HPRT1: variants seen among roughly 807,000 people sequenced by gnomAD.
The protein encoded by HPRT1 is hypoxanthine phosphoribosyltransferase 1.
Under a neutral mutation model 19.0 loss-of-function variants are expected in HPRT1, and 4 were observed. The observed-to-expected ratio is 0.21, with a 90% confidence interval of 0.10 to 0.48. The LOEUF (loss-of-function observed/expected upper bound fraction) is 0.48, where lower values mean the gene tolerates loss of function less well. Ranked by LOEUF, HPRT1 falls within the 20% of genes least tolerant of loss-of-function variation. The pLI, the probability that HPRT1 is intolerant of heterozygous loss-of-function variation, is 0.98. For missense variants in HPRT1, 65 were observed against 164.0 expected (o/e 0.40, Z 3.30); for synonymous variants, 53 against 54.9 (o/e 0.97, Z 0.15).
At chrX:134,475,449 C>A in intron 3 of HPRT1, 85 bp downstream of exon 3, 1 of 602,239 alleles carries the variant, frequency 1.7e-6, no homozygotes, top group Admixed American at 2.9e-5. Context: ...ACCATACTTG[C>A]TTTCATTTCA....
rs745601675 is a variant in HPRT1 at position 134,460,525 on chromosome X, CG to C, written c.27+191del. ...GAGGGCGGCAGGGAGGACGGAATGGCGGGGTTTGGGGTGGGTCCCTCCTCGG... is the reference window on the plus strand; with the variant it reads ...GAGGGCGGCAGGGAGGACGGAATGGCGGGTTTGGGGTGGGTCCCTCCTCGG... On this transcript the variant is annotated intron_variant, in intron 1 of 8. Coordinates refer to ENST00000298556, the MANE Select transcript of HPRT1 (RefSeq NM_000194.3). 6.1e-3 allele frequency: 1,679 copies of C among 275,423 alleles called. 26 individuals carry two copies. The highest frequency in any genetic ancestry group is 0.043 in the African/African-American group (1,525 of 35,085). 22.7% of individuals were successfully genotyped at this position (275,423 alleles called of 1,213,427 possible).
intron 3 of HPRT1, 103 bp downstream of exon 3, chrX:134,475,467 A>G (rs1188808776): frequency 1.9e-5 from 10 of 530,179 alleles, no homozygotes; most frequent in Non-Finnish European, 3.1e-5. Flanking sequence ...TCACTTGGTT[A>G]CAGTGAGATT....
intron 5 of HPRT1, among the ~76,000 whole-genome samples, chrX:134,492,170 C>T (rs1339169295): frequency 9.5e-6 from 1 of 104,975 alleles, no homozygotes; most frequent in Non-Finnish European, 1.9e-5. Flanking sequence ...GTATTATAGG[C>T]ATGAGCCACT....
At chrX:134,471,179 C>G (rs909803615) in intron 1 of HPRT1, among the ~76,000 whole-genome samples, 1 of 110,288 alleles carries the variant, frequency 9.1e-6, no homozygotes, top group Non-Finnish European at 1.9e-5. Context: ...TAAGAAAGAC[C>G]ATTGAATTTT....
At chrX:134,474,420 C>CTTT (rs5903877) in intron 2 of HPRT1, among the ~76,000 whole-genome samples, 7 of 94,694 alleles carry the variant, frequency 7.4e-5, no homozygotes, top group African/African-American at 1.2e-4. Context: ...CAATTTGTCT[C>CTTT]TTTTTTTTTT....
chrX:134,464,381 A>G (rs745689497), intron 1 of HPRT1, among the ~76,000 whole-genome samples: 4 of 111,294 alleles, frequency 3.6e-5, no homozygotes, highest in South Asian at 3.7e-4. Flanking sequence ...ATCCAAGGAG[A>G]TGGCGGATCA....
chrX:134,485,303 A>G (rs1215015605), intron 3 of HPRT1, among the ~76,000 whole-genome samples: 3 of 111,264 alleles, frequency 2.7e-5, no homozygotes, highest in African/African-American at 9.8e-5. Flanking sequence ...CCATTTTCCT[A>G]TGGGTTCTTA....
At chrX:134,499,350 GTGCCT>G in intron 8 of HPRT1, among the ~76,000 whole-genome samples, 1 of 110,745 alleles carries the variant, frequency 9.0e-6, no homozygotes, top group South Asian at 3.9e-4. Flanking sequence ...GTAGTGGTGT[GTGCCT>G]GTAACCCAGC....
rs2077578423 is a variant in HPRT1 at position 134,460,170 on chromosome X, C to A, written c.-142C>A. ...GGCGGGGCCTGCTTCTCCTCAGCTT[C>A]AGGCGGCTGCGACGAGCCCTCAGGC... On this transcript the variant is annotated 5_prime_UTR_variant, in exon 1 of 9. Transcript: ENST00000298556. 3.4e-6 allele frequency: 2 copies of A among 588,560 alleles called. No homozygotes were observed. Among genetic ancestry groups the A allele is most frequent in the Non-Finnish European group, 5.2e-6 (2 of 387,292 alleles). The allele number at this position is 588,560 out of a possible 1,213,427, so 48.5% of individuals were successfully genotyped here. A position where few individuals can be genotyped will look rare whatever the true frequency, so the allele number is the denominator to read the frequency against.
At chrX:134,469,391 A>G (rs1264531295) in intron 1 of HPRT1, among the ~76,000 whole-genome samples, 1 of 111,197 alleles carries the variant, frequency 9.0e-6, no homozygotes, top group African/African-American at 3.3e-5. Context: ...AAACAAAACA[A>G]CTTCTTGACA....
chrX:134,467,588 GCCA>G (rs2077600290), intron 1 of HPRT1, among the ~76,000 whole-genome samples: 1 of 111,483 alleles, frequency 9.0e-6, no homozygotes, highest in South Asian at 3.7e-4. Context: ...AAGATTATAG[GCCA>G]CCAAGTAGAT....
chrX:134,493,519 C>T lies in HPRT1; in HGVS notation c.414C>T (p.Asp138=), dbSNP rs1441084009. Residue 138 remains aspartate (D), a synonymous_variant, in exon 6 of 9, where the codon GAC becomes GAT. Transcript: ENST00000298556. ...TTCTTTTTTGAAAGGATATAATTGA[C>T]ACTGGCAAAACAATGCAGACTTTGC... ...KNVLIVEDII[D]TGKTMQTLLS... The T allele has an allele frequency of 8.3e-7, 1 of 1,200,522 alleles. No individual in the cohort carries two copies. The highest frequency in any genetic ancestry group is 3.0e-5 in the East Asian group (1 of 33,750).
At chrX:134,475,492 A>G (rs913180324) in intron 3 of HPRT1, 128 bp downstream of exon 3, 3 of 463,286 alleles carry the variant, frequency 6.5e-6, no homozygotes, top group Admixed American at 7.5e-5. Flanking sequence ...TAACATATTC[A>G]CTAGTACTTT....
At chrX:134,462,569 C>T (rs1386538707) in intron 1 of HPRT1, among the ~76,000 whole-genome samples, 1 of 111,594 alleles carries the variant, frequency 9.0e-6, no homozygotes, top group African/African-American at 3.3e-5. Flanking sequence ...CTGCCCGCCT[C>T]TGCTTCCCAA....
chrX:134,499,877 T>TC (rs766151136), intron 8 of HPRT1, among the ~76,000 whole-genome samples, 153 bp from the exon 9 acceptor site: 1 of 111,971 alleles, frequency 8.9e-6, no homozygotes, highest in East Asian at 2.8e-4. Flanking sequence ...AAAGATACAC[T>TC]CCCCAAAAGT....
At chrX:134,474,286 T>C (rs1037543737) in intron 2 of HPRT1, among the ~76,000 whole-genome samples, 1 of 112,004 alleles carries the variant, frequency 8.9e-6, no homozygotes, top group Non-Finnish European at 1.9e-5. Flanking sequence ...TTCAGCTTTA[T>C]TCAAGTGGAA....
intron 6 of HPRT1, among the ~76,000 whole-genome samples, chrX:134,497,945 TA>T (rs746184635): frequency 5.0e-3 from 476 of 95,401 alleles, no homozygotes; most frequent in African/African-American, 7.0e-3. Context: ...AGATTCCGTC[TA>T]AAAAAAAAAA....
At position 134,500,662 on chromosome X, in the gene HPRT1, A is replaced by T. The variant is rs2077693155; in HGVS notation, c.*585A>T. On this transcript the variant is annotated 3_prime_UTR_variant, in exon 9 of 9. Coordinates refer to ENST00000298556, the MANE Select transcript of HPRT1 (RefSeq NM_000194.3). ...AAATGCAAATCAATAAATTCCCAAA[A>T]ATTTAACTGCTTTATGAATTCAATT... is the stretch of plus-strand genomic sequence containing the variant. 8.9e-6 allele frequency: 1 copy of T among 112,428 alleles called. No individual in the cohort carries two copies. The allele number at this position is 112,428 out of a possible 1,213,427, so 9.3% of individuals were successfully genotyped here. A position where few individuals can be genotyped will look rare whatever the true frequency, so the allele number is the denominator to read the frequency against.
Position 134,460,228 on chromosome X carries a change from C to T in HPRT1, c.-84C>T. 2 of 1,027,570 alleles carry T rather than the reference C, an allele frequency of 1.9e-6. No homozygotes were observed. The highest frequency in any genetic ancestry group is 2.6e-6 in the Non-Finnish European group (2 of 772,141). 84.7% of individuals were successfully genotyped at this position (1,027,570 alleles called of 1,213,427 possible). ...TCGGCTTTCCCGCGCGGCGCCGCCTCTTGCTGCGCCTCCGCCTCCTCCTCT... is the reference window on the plus strand; with the variant it reads ...TCGGCTTTCCCGCGCGGCGCCGCCTTTTGCTGCGCCTCCGCCTCCTCCTCT... On this transcript the variant is annotated 5_prime_UTR_variant, in exon 1 of 9. Transcript: ENST00000298556.
Sources: allele counts gnomAD v4.1 joint callset (sites outside exome capture counted in the v4.1 genomes callset), GRCh38; gene constraint gnomAD v4.1.1; transcripts MANE v1.5; gene names NCBI Gene and HGNC (gene_info 2026-07-23, HGNC 2026-07-21).